The following ME3 variants were observed in gnomAD, a reference collection of about 807,000 sequenced individuals.
The protein encoded by ME3 is malic enzyme 3.
In ME3, 48 loss-of-function variants were observed where a neutral mutation model predicts 68.9. The observed-to-expected ratio is 0.70, with a 90% CI of 0.55 to 0.89. ME3 has a LOEUF of 0.89. Among genes scored for constraint, ME3 ranks in the 40% least tolerant of loss-of-function variants. The pLI is 0.00. For missense variants in ME3, 675 were observed against 797.4 expected, an observed-to-expected ratio of 0.85 and a Z score of 1.85; for synonymous variants, 320 against 318.8, an observed-to-expected ratio of 1.00 and a Z score of -0.04.
intron 2 of ME3, among the ~76,000 whole-genome samples, chr11:86,594,700 A>G (rs1452809434): frequency 6.9e-6 from 1 of 145,530 alleles, no homozygotes; most frequent in Non-Finnish European, 1.5e-5. Flanking sequence ...AAAAAAACAC[A>G]AAAAAACAAA....
chr11:86,613,408 A>T (rs970895019), intron 2 of ME3, among the ~76,000 whole-genome samples: 4 of 152,234 alleles, frequency 2.6e-5, no homozygotes, highest in African/African-American at 9.6e-5. Flanking sequence ...GAAAACTGGT[A>T]CAAGACAAGG....
At chr11:86,538,463 T>C (rs1955832204) in intron 4 of ME3, among the ~76,000 whole-genome samples, 1 of 152,198 alleles carries the variant, frequency 6.6e-6, no homozygotes, top group Non-Finnish European at 1.5e-5. Context: ...GTAGTTGTTT[T>C]AATCATTGTT....
intron 2 of ME3, among the ~76,000 whole-genome samples, chr11:86,596,659 G>A (rs1391489478): frequency 1.3e-5 from 2 of 152,108 alleles, no homozygotes; most frequent in Non-Finnish European, 2.9e-5. Flanking sequence ...GGGACCTTAA[G>A]GATCACCTAG....
chr11:86,520,960 C>G (rs572068797), intron 4 of ME3, among the ~76,000 whole-genome samples: 1 of 152,352 alleles, frequency 6.6e-6, no homozygotes, highest in East Asian at 1.9e-4. Flanking sequence ...TTCCATGACT[C>G]TAATCTACCA....
chr11:86,608,300 G>A (rs1010694962), intron 2 of ME3, among the ~76,000 whole-genome samples: 1 of 152,066 alleles, frequency 6.6e-6, no homozygotes, highest in African/African-American at 2.4e-5. Context: ...GTCCACGCAC[G>A]CTTGCTTAAT....
At chr11:86,590,693 T>C (rs1480817833) in intron 2 of ME3, among the ~76,000 whole-genome samples, 1 of 152,040 alleles carries the variant, frequency 6.6e-6, no homozygotes, top group East Asian at 1.9e-4. Flanking sequence ...ATGACATGGG[T>C]CCTGAAAGCT....
chr11:86,592,160 A>G (rs4382934), intron 2 of ME3, among the ~76,000 whole-genome samples: 87,986 of 152,018 alleles, frequency 0.58, 27,558 homozygotes, highest in Non-Finnish European at 0.7. Context: ...AACCTACTTA[A>G]TCATTACAGA....
intron 2 of ME3, among the ~76,000 whole-genome samples, chr11:86,656,603 TG>T (rs1479981174): frequency 1.1e-4 from 7 of 61,868 alleles, no homozygotes; most frequent in Admixed American, 2.0e-4. Flanking sequence ...TGTTTTGGGG[TG>T]GGGGGAGGGG....
At chr11:86,487,423 A>C (rs766128317) in exon 7 of ME3, 6 of 1,613,688 alleles carry the variant, frequency 3.7e-6, no homozygotes, top group African/African-American at 1.3e-5. Context: ...CGATGTACAG[A>C]GGGTCTCTGA....
chr11:86,656,506 C>G (rs1418196127), intron 2 of ME3, among the ~76,000 whole-genome samples: 2 of 150,412 alleles, frequency 1.3e-5, no homozygotes, highest in African/African-American at 2.4e-5. Context: ...GGACAAAAAA[C>G]CAAACACTTC....
intron 2 of ME3, among the ~76,000 whole-genome samples, chr11:86,654,393 C>T (rs1333802394): frequency 1.3e-5 from 2 of 152,192 alleles, no homozygotes; most frequent in Non-Finnish European, 2.9e-5. Flanking sequence ...AAAAGCTTAT[C>T]CACCATGATC....
rs58204746 is a variant in ME3 at position 86,628,893 on chromosome 11, A to G, written c.183+42869T>C. Among the ~76,000 whole-genome samples the G allele has an allele frequency of 5.4e-3, 827 of 152,308 alleles. 5 individuals are homozygous for G. The highest frequency in any genetic ancestry group is 0.019 in the African/African-American group (782 of 41,562). On this transcript the variant is annotated intron_variant, in intron 2 of 14. Coordinates refer to ENST00000543262, the Ensembl canonical transcript of ME3. ...ACGTTACATGGAGAGAAACGTCTAA[A>G]TCTAGTATTGACAAGCAAGGGATGG... is the stretch of plus-strand genomic sequence containing the variant.
chr11:86,489,316 A>G (rs1421025469), intron 6 of ME3: 1 of 152,148 alleles, frequency 6.6e-6, no homozygotes, highest in Non-Finnish European at 1.5e-5. Context: ...CTTCTCATCT[A>G]TCAAATGGGG....
At chr11:86,518,009 A>C (rs940801764) in intron 4 of ME3, among the ~76,000 whole-genome samples, 2 of 152,240 alleles carry the variant, frequency 1.3e-5, no homozygotes, top group Non-Finnish European at 2.9e-5. Flanking sequence ...AGGGCTTGGC[A>C]TGTGGTAAAT....
chr11:86,662,724 A>G (rs1431033731), intron 2 of ME3, among the ~76,000 whole-genome samples: 3 of 152,270 alleles, frequency 2.0e-5, no homozygotes, highest in Non-Finnish European at 4.4e-5. Context: ...TTCCTAGCAC[A>G]CTGCATGTCC....
intron 2 of ME3, among the ~76,000 whole-genome samples, chr11:86,666,223 A>G (rs1594835903): frequency 6.6e-6 from 1 of 152,318 alleles, no homozygotes; most frequent in East Asian, 1.9e-4. Flanking sequence ...ATGTAAGTAG[A>G]AGTGATATTT....
chr11:86,560,748 G>GTGTATATATATATATA (rs1243025217), intron 2 of ME3, among the ~76,000 whole-genome samples: 1 of 62,524 alleles, frequency 1.6e-5, no homozygotes, highest in African/African-American at 5.9e-5. Context: ...GTGTGTGTGT[G>GTGTATATATATATATA]TATATATATA....
chr11:86,487,380 A>T (rs1371773399), exon 7 of ME3: 1 of 1,613,984 alleles, frequency 6.2e-7, no homozygotes, highest in African/African-American at 1.3e-5. Context: ...AAGTCATCGT[A>T]TGCCTTCCCG....
intron 8 of ME3, among the ~76,000 whole-genome samples, chr11:86,459,964 G>A (rs1227481709): frequency 2.6e-5 from 4 of 152,184 alleles, no homozygotes; most frequent in Non-Finnish European, 4.4e-5. Context: ...GCTTGCAGGT[G>A]GAGGCCAGGG....
Sources: gnomAD v4.1 joint callset for allele counts (sites outside exome capture counted in the v4.1 genomes callset) on GRCh38, gnomAD v4.1.1 for gene constraint, MANE v1.5 for transcripts, NCBI Gene and HGNC (gene_info 2026-07-23, HGNC 2026-07-21) for gene names.